Variants in LSAMP observed in about 807,000 individuals in gnomAD.
The protein encoded by LSAMP is limbic system-associated membrane protein.
A neutral mutation model predicts 38.6 loss-of-function variants in LSAMP; 7 were observed. The ratio of observed to expected loss-of-function variants is 0.18; its 90% confidence interval spans 0.10 to 0.34. The LOEUF is 0.34. LSAMP is among the 10% of genes least tolerant of loss of function. The pLI is 1.00. For missense variants in LSAMP, 313 were observed against 420.0 expected (o/e 0.75, Z 2.23); for synonymous variants, 154 against 166.8 (o/e 0.92, Z 0.59).
chr3:115,999,485 C>T (rs142715046), intron 3 of LSAMP, among the ~76,000 whole-genome samples: 3 of 152,224 alleles, frequency 2.0e-5, no homozygotes, highest in East Asian at 1.9e-4. Context: ...ATGTGGACCC[C>T]GTCATGTCCT....
intron 3 of LSAMP, among the ~76,000 whole-genome samples, chr3:115,946,896 A>C (rs1938115689): frequency 6.6e-6 from 1 of 152,142 alleles, no homozygotes; most frequent in Admixed American, 6.6e-5. Context: ...CAGCATGTCA[A>C]ACATATATGT....
intron 3 of LSAMP, among the ~76,000 whole-genome samples, chr3:116,002,932 A>G (rs1207742535): frequency 6.6e-6 from 1 of 152,224 alleles, no homozygotes; most frequent in Non-Finnish European, 1.5e-5. Context: ...GTTAAGAAGA[A>G]GTGCTATAAC....
rs138674284 is a variant in LSAMP, at chr3:115,853,621, A to AG, written c.515-1005_515-1004insC. ...AGAGGGAGAAAAATGAAAAGAGGAAAAGAAGGTGATTGAGGAAGGAGAAGG... is the reference window on the plus strand; with the variant it reads ...AGAGGGAGAAAAATGAAAAGAGGAAAGAGAAGGTGATTGAGGAAGGAGAAGG... On this transcript the variant is annotated intron_variant, in intron 3 of 6. Coordinates refer to ENST00000490035, the MANE Select transcript of LSAMP (RefSeq NM_002338.5). 4.9e-3 allele frequency among the ~76,000 whole-genome samples: 743 copies of AG among 152,276 alleles called. 6 individuals carry two copies. Among genetic ancestry groups the AG allele is most frequent in the African/African-American group, 0.016 (662 of 41,558 alleles).
At chr3:115,854,498 G>A (rs933834657) in intron 3 of LSAMP, among the ~76,000 whole-genome samples, 15 of 151,490 alleles carry the variant, frequency 9.9e-5, no homozygotes, top group African/African-American at 3.6e-4. Context: ...TAGCCAAGAT[G>A]GTCTCGATCT....
intron 1 of LSAMP, among the ~76,000 whole-genome samples, chr3:116,199,676 G>C (rs2045963119): frequency 6.6e-6 from 1 of 152,178 alleles, no homozygotes; most frequent in South Asian, 2.1e-4. Flanking sequence ...AAGATGAACA[G>C]TATGAAATGT....
intron 1 of LSAMP, among the ~76,000 whole-genome samples, chr3:116,090,088 C>T (rs1198170340): frequency 6.6e-6 from 1 of 151,154 alleles, no homozygotes; most frequent in Non-Finnish European, 1.5e-5. Flanking sequence ...GTGGCGCATG[C>T]CTGTAATCCC....
At chr3:116,097,200 AT>A (rs34764455) in intron 1 of LSAMP, among the ~76,000 whole-genome samples, 38,351 of 152,174 alleles carry the variant, frequency 0.25, 5,957 homozygotes, top group African/African-American at 0.44. Flanking sequence ...TACCAAAAGC[AT>A]TGCTAAGTTC....
intron 1 of LSAMP, among the ~76,000 whole-genome samples, chr3:116,404,767 T>C (rs1266182587): frequency 2.0e-5 from 3 of 152,136 alleles, no homozygotes; most frequent in Non-Finnish European, 4.4e-5. Context: ...TTGTGGTAAA[T>C]ATCAAAAGCC....
chr3:116,214,905 A>G (rs2046202249), intron 1 of LSAMP, among the ~76,000 whole-genome samples: 1 of 152,134 alleles, frequency 6.6e-6, no homozygotes, highest in Non-Finnish European at 1.5e-5. Flanking sequence ...GAAATAATAA[A>G]TTTCAATGAA....
intron 1 of LSAMP, among the ~76,000 whole-genome samples, chr3:116,195,467 A>G (rs1016157442): frequency 3.3e-5 from 5 of 152,202 alleles, no homozygotes; most frequent in African/African-American, 1.2e-4. Context: ...CAGCCAATAT[A>G]TACAATTCAA....
rs564765842 is a variant in LSAMP at position 116,187,251 on chromosome 3, G to T, written c.156-100695C>A. Among the ~76,000 whole-genome samples, 4 of 152,214 alleles carry T rather than the reference G, an allele frequency of 2.6e-5. No homozygotes were observed. The South Asian group carries it at 8.3e-4, about 32-fold the overall frequency. On this transcript the variant is annotated intron_variant, in intron 1 of 6. Coordinates refer to ENST00000490035, the MANE Select transcript of LSAMP (RefSeq NM_002338.5). Reference sequence around the variant, plus strand: ...AATGAAAAAGTGGACTGGCTCAAGGGGAAACCAAAGATACCATAAATTTAA... The same window carrying T: ...AATGAAAAAGTGGACTGGCTCAAGGTGAAACCAAAGATACCATAAATTTAA...
chr3:115,943,075 G>A (rs1937980343), intron 3 of LSAMP, among the ~76,000 whole-genome samples: 1 of 152,122 alleles, frequency 6.6e-6, no homozygotes, highest in Non-Finnish European at 1.5e-5. Context: ...AAGGAAATAG[G>A]ACTTAAAAGA....
intron 3 of LSAMP, among the ~76,000 whole-genome samples, chr3:115,916,641 T>C (rs187332333): frequency 2.0e-5 from 3 of 152,350 alleles, no homozygotes; most frequent in Admixed American, 1.3e-4. Flanking sequence ...CCAGGTATTG[T>C]AGCCTATAGG....
chr3:115,830,174 T>C (rs959053926), intron 6 of LSAMP, among the ~76,000 whole-genome samples: 2 of 152,228 alleles, frequency 1.3e-5, no homozygotes, highest in Admixed American at 6.5e-5. Flanking sequence ...TGAAATTAGA[T>C]GTACCGATGC....
intron 1 of LSAMP, among the ~76,000 whole-genome samples, chr3:116,397,058 G>A (rs1006255706): frequency 6.6e-6 from 1 of 152,128 alleles, no homozygotes; most frequent in African/African-American, 2.4e-5. Flanking sequence ...TAAGAGCCAG[G>A]TTGTTCTTTG....
At chr3:116,055,831 C>G (rs1941481459) in intron 2 of LSAMP, among the ~76,000 whole-genome samples, 2 of 152,176 alleles carry the variant, frequency 1.3e-5, no homozygotes, top group African/African-American at 4.8e-5. Flanking sequence ...GAGGATTTTT[C>G]AAGCTAAGGT....
intron 1 of LSAMP, among the ~76,000 whole-genome samples, chr3:116,169,795 CTT>C (rs1218977160): frequency 1.3e-5 from 2 of 152,306 alleles, no homozygotes; most frequent in African/African-American, 4.8e-5. Flanking sequence ...ATCTAATTGA[CTT>C]TTCTCGCCAC....
intron 2 of LSAMP, among the ~76,000 whole-genome samples, chr3:116,046,947 A>T (rs900201038): frequency 6.6e-6 from 1 of 152,156 alleles, no homozygotes; most frequent in South Asian, 2.1e-4. Context: ...CAGATGAAAA[A>T]ATGGCTGATC....
At chr3:116,204,787 C>G (rs1256660601) in intron 1 of LSAMP, among the ~76,000 whole-genome samples, 1 of 150,254 alleles carries the variant, frequency 6.7e-6, no homozygotes, top group Non-Finnish European at 1.5e-5. Context: ...CAGTACCATG[C>G]TGTTTTGGTT....
Sources: gnomAD v4.1 joint callset for allele counts (sites outside exome capture counted in the v4.1 genomes callset) on GRCh38, gnomAD v4.1.1 for gene constraint, MANE v1.5 for transcripts, NCBI Gene and HGNC (gene_info 2026-07-23, HGNC 2026-07-21) for gene names.